Variants in DPF3 observed in about 807,000 individuals in gnomAD.
DPF3 encodes double PHD fingers 3.
DPF3 carries 18 observed loss-of-function variants against 56.8 expected under a neutral mutation model. That is an observed-to-expected ratio of 0.32 (90% CI 0.22 to 0.47). The LOEUF (loss-of-function observed/expected upper bound fraction) is 0.47. Ranked by LOEUF, DPF3 falls within the 20% of genes least tolerant of loss-of-function variation. DPF3 has a pLI of 1.00. For missense variants in DPF3, 403 were observed against 488.8 expected (o/e 0.82, Z 1.65); for synonymous variants, 188 against 180.2 (o/e 1.04, Z -0.35).
chr14:72,633,737 A>G (rs1214488474), intron 8 of DPF3, among the ~76,000 whole-genome samples: 2 of 152,172 alleles, frequency 1.3e-5, no homozygotes, highest in Non-Finnish European at 2.9e-5. Context: ...ATTCCAGAGC[A>G]TGACAGAACT....
chr14:72,753,031 G>A (rs1393085605), intron 3 of DPF3, among the ~76,000 whole-genome samples: 1 of 152,154 alleles, frequency 6.6e-6, no homozygotes, highest in East Asian at 1.9e-4. Flanking sequence ...CCTCCCTGGG[G>A]TGGCAAAGGG....
intron 5 of DPF3, among the ~76,000 whole-genome samples, chr14:72,719,817 G>A (rs1403157393): frequency 6.6e-6 from 1 of 152,138 alleles, no homozygotes; most frequent in Non-Finnish European, 1.5e-5. Flanking sequence ...CTGAGGCCCA[G>A]GGTACTTATA....
chr14:72,790,176 C>T (rs1892371225), intron 1 of DPF3, among the ~76,000 whole-genome samples: 1 of 152,136 alleles, frequency 6.6e-6, no homozygotes. Flanking sequence ...TGCTTGAGAC[C>T]AGGAACTCGA....
chr14:72,764,582 G>A (rs1025690524), intron 2 of DPF3, among the ~76,000 whole-genome samples: 33 of 139,824 alleles, frequency 2.4e-4, no homozygotes, highest in African/African-American at 8.6e-4. Context: ...TCCGCCTCCC[G>A]GGTTCACGCC....
intron 1 of DPF3, among the ~76,000 whole-genome samples, chr14:72,779,993 A>G (rs1332894871): frequency 6.6e-5 from 10 of 152,202 alleles, no homozygotes; most frequent in Admixed American, 6.5e-4. Flanking sequence ...CACAGAGACC[A>G]CATCTGGCTT....
chr14:72,833,315 C>G (rs1216162160), intron 1 of DPF3, among the ~76,000 whole-genome samples: 1 of 152,132 alleles, frequency 6.6e-6, no homozygotes, highest in African/African-American at 2.4e-5. Context: ...ACTAGGTAGA[C>G]GATGACAACA....
At chr14:72,681,791 C>T (rs1345107007) in intron 7 of DPF3, among the ~76,000 whole-genome samples, 3 of 152,232 alleles carry the variant, frequency 2.0e-5, no homozygotes, top group Non-Finnish European at 4.4e-5. Flanking sequence ...GCAGTGTGTG[C>T]ACCATGTCAC....
At chr14:72,887,198 A>ACAC (rs1366907636) in intron 1 of DPF3, among the ~76,000 whole-genome samples, 1 of 125,540 alleles carries the variant, frequency 8.0e-6, no homozygotes, top group South Asian at 3.0e-4. Context: ...CACACACACA[A>ACAC]AAGGAAGCAA....
intron 7 of DPF3, among the ~76,000 whole-genome samples, chr14:72,684,038 T>C (rs1887291880): frequency 6.6e-6 from 1 of 152,164 alleles, no homozygotes; most frequent in African/African-American, 2.4e-5. Context: ...ATCTGCTTTA[T>C]ATTTTACATA....
At chr14:72,674,578 T>C (rs1042455111) in intron 7 of DPF3, among the ~76,000 whole-genome samples, 2 of 152,232 alleles carry the variant, frequency 1.3e-5, no homozygotes, top group South Asian at 2.1e-4. Flanking sequence ...GTTTAATTTT[T>C]AGAGTATTCC....
At chr14:72,826,524 G>A (rs1883809369) in intron 1 of DPF3, among the ~76,000 whole-genome samples, 2 of 152,190 alleles carry the variant, frequency 1.3e-5, no homozygotes, top group Non-Finnish European at 2.9e-5. Context: ...GCTAAAAGGA[G>A]GAAGAAGCCC....
In DPF3 at chr14:72,609,667, C is replaced by T. The variant is rs1883607701; in HGVS notation, c.*9630G>A. Among the ~76,000 whole-genome samples, 1 of 152,184 alleles carries T rather than the reference C, an allele frequency of 6.6e-6. No homozygotes were observed. Among genetic ancestry groups the T allele is most frequent in the Non-Finnish European group, 1.5e-5 (1 of 68,032 alleles). On this transcript the variant is annotated 3_prime_UTR_variant, in exon 11 of 11. Coordinates refer to ENST00000556509, the MANE Select transcript of DPF3 (RefSeq NM_001280542.3). ...AGGACAAGGGTGGCACACACACCTA[C>T]AGAGACCGCAACCACATCACAGTGA...
At chr14:72,836,144 G>A (rs1884284135) in intron 1 of DPF3, 1 of 986,076 alleles carries the variant, frequency 1.0e-6, no homozygotes, top group Non-Finnish European at 1.2e-6. Context: ...AGGAACAGGA[G>A]GCTGATCATT....
At chr14:72,784,969 A>G (rs1472526156) in intron 1 of DPF3, among the ~76,000 whole-genome samples, 2 of 151,342 alleles carry the variant, frequency 1.3e-5, no homozygotes, top group Non-Finnish European at 2.9e-5. Context: ...AAAAAAAAAA[A>G]GTTGAAAATG....
intron 2 of DPF3, among the ~76,000 whole-genome samples, chr14:72,767,368 G>A (rs1891329695): frequency 6.6e-6 from 1 of 152,090 alleles, no homozygotes; most frequent in African/African-American, 2.4e-5. Context: ...GGATCTTAAA[G>A]CAGCCATCAT....
rs553328346 is a variant in DPF3 at position 72,820,925 on chromosome 14, A to G, written c.33-49032T>C. On this transcript the variant is annotated intron_variant, in intron 1 of 10. Coordinates refer to ENST00000556509, the MANE Select transcript of DPF3 (RefSeq NM_001280542.3). ...GGCAGGCAGATGACTTGAGACCAGG[A>G]GTTCAAGACCAGCCTGGACAACATG... 7.3e-4 allele frequency among the ~76,000 whole-genome samples: 111 copies of G among 152,216 alleles called. 2 individuals are homozygous for G. The South Asian group carries it at 0.022, about 30-fold the overall frequency.
rs556401866 is a variant in DPF3, at chr14:72,869,465, A to G, written c.32+24592T>C. Among the ~76,000 whole-genome samples, 101 of 152,316 alleles carry G rather than the reference A, an allele frequency of 6.6e-4. 2 individuals are homozygous for G. The South Asian group carries it at 0.021, about 32-fold the overall frequency. On this transcript the variant is annotated intron_variant, in intron 1 of 10. Coordinates refer to ENST00000556509, the MANE Select transcript of DPF3 (RefSeq NM_001280542.3). Reference sequence around the variant, plus strand: ...GAGACATGGATGAAGAAAAAAAGTGAGACGCATGCTTGAAAAATTCATAAT... The same window carrying G: ...GAGACATGGATGAAGAAAAAAAGTGGGACGCATGCTTGAAAAATTCATAAT...
At chr14:72,826,404 C>A (rs562749795) in intron 1 of DPF3, among the ~76,000 whole-genome samples, 3 of 152,266 alleles carry the variant, frequency 2.0e-5, no homozygotes, top group South Asian at 4.1e-4. Context: ...GATGGGGCAA[C>A]CTTCAGGGGT....
At chr14:72,672,817 T>C (rs1886748633) in intron 8 of DPF3, among the ~76,000 whole-genome samples, 2 of 152,178 alleles carry the variant, frequency 1.3e-5, no homozygotes, top group African/African-American at 4.8e-5. Context: ...CCATAACGTG[T>C]TGCTTAGACC....
Sources: gnomAD v4.1 joint callset for allele counts (sites outside exome capture counted in the v4.1 genomes callset) on GRCh38, gnomAD v4.1.1 for gene constraint, MANE v1.5 for transcripts, NCBI Gene and HGNC (gene_info 2026-07-23, HGNC 2026-07-21) for gene names.